The following RAD51B variants were observed in gnomAD, a reference collection of about 807,000 sequenced individuals.
The protein encoded by RAD51B is RAD51 paralog B, also known as DNA repair protein RAD51 homolog 2.
A neutral mutation model predicts 42.2 loss-of-function variants in RAD51B; 38 were observed. The ratio of observed to expected loss-of-function variants is 0.90; its 90% CI spans 0.70 to 1.18. The LOEUF (loss-of-function observed/expected upper bound fraction) is 1.18, where lower values mean the gene tolerates loss of function less well. Ranked by LOEUF, RAD51B falls within the 50% of genes most tolerant of loss-of-function variation. The pLI, the probability that RAD51B is intolerant of heterozygous loss-of-function variation, is 0.00. For synonymous variants in RAD51B, 154 were observed against 145.2 expected, an observed-to-expected ratio of 1.06 and a Z score of -0.43; for missense variants, 373 against 400.7, an observed-to-expected ratio of 0.93 and a Z score of 0.59.
At chr14:68,300,024 C>T (rs1411984765) in intron 8 of RAD51B, among the ~76,000 whole-genome samples, 1 of 152,132 alleles carries the variant, frequency 6.6e-6, no homozygotes, top group Non-Finnish European at 1.5e-5. Context: ...ATCCTTTCAG[C>T]AGGGTCCATT....
chr14:68,426,951 C>T (rs574053929), intron 9 of RAD51B, among the ~76,000 whole-genome samples: 42 of 152,296 alleles, frequency 2.8e-4, no homozygotes, highest in East Asian at 1.4e-3. Flanking sequence ...CTACCTTCTG[C>T]ATCCCAGAGG....
At chr14:67,965,205 G>A (rs1164783137) in intron 7 of RAD51B, among the ~76,000 whole-genome samples, 1 of 152,046 alleles carries the variant, frequency 6.6e-6, no homozygotes, top group African/African-American at 2.4e-5. Context: ...TTCATTAGTG[G>A]CCTCTCCATC....
intron 11 of RAD51B, among the ~76,000 whole-genome samples, chr14:68,679,870 C>T (rs1893390249): frequency 6.6e-6 from 1 of 152,198 alleles, no homozygotes; most frequent in East Asian, 1.9e-4. Flanking sequence ...GCGAGTAGTC[C>T]ATATGCACTT....
intron 5 of RAD51B, among the ~76,000 whole-genome samples, chr14:67,871,903 ACT>A (rs2042547436): frequency 1.3e-5 from 2 of 151,974 alleles, no homozygotes; most frequent in Non-Finnish European, 2.9e-5. Context: ...CATGCTAAAA[ACT>A]CTCAATAAAT....
At chr14:67,847,926 C>T (rs1303847098) in intron 4 of RAD51B, among the ~76,000 whole-genome samples, 2 of 152,072 alleles carry the variant, frequency 1.3e-5, no homozygotes, top group Non-Finnish European at 2.9e-5. Flanking sequence ...GTCTTTTTAT[C>T]AGTCAAGAAG....
At chr14:68,434,818 C>T (rs2085107556) in intron 9 of RAD51B, among the ~76,000 whole-genome samples, 1 of 152,178 alleles carries the variant, frequency 6.6e-6, no homozygotes, top group Non-Finnish European at 1.5e-5. Flanking sequence ...GCAGAAATCA[C>T]CCGTCTTCTG....
At chr14:68,039,343 G>A (rs559830585) in intron 7 of RAD51B, among the ~76,000 whole-genome samples, 7 of 149,760 alleles carry the variant, frequency 4.7e-5, no homozygotes, top group African/African-American at 1.7e-4. Flanking sequence ...CAGGAGAATC[G>A]CTTGAACCTG....
intron 7 of RAD51B, among the ~76,000 whole-genome samples, chr14:68,069,080 A>G (rs1039338999): frequency 1.3e-5 from 2 of 152,142 alleles, no homozygotes; most frequent in African/African-American, 4.8e-5. Flanking sequence ...CTAAAGTTGA[A>G]TACTCCTTTT....
In RAD51B at chr14:68,189,020, G is replaced by A. The variant is rs1444235338; in HGVS notation, c.757-102864G>A. Among the ~76,000 whole-genome samples, 3 of 152,060 alleles carry A rather than the reference G, an allele frequency of 2.0e-5. 1 individual carries two copies. Among genetic ancestry groups the A allele is most frequent in the Admixed American group, 2.0e-4 (3 of 15,276 alleles). On this transcript the variant is annotated intron_variant, in intron 7 of 10. Transcript: ENST00000471583. ...CTCCTCCTTGTTCTCTACTTCTATT[G>A]TAGTGGTTCTGCTGCTATAGTTTAA...
chr14:68,056,641 C>T (rs113095069), intron 7 of RAD51B, among the ~76,000 whole-genome samples: 3,796 of 151,634 alleles, frequency 0.025, 159 homozygotes, highest in African/African-American at 0.087. Context: ...CCCAGCTACT[C>T]GGGAGGCTGA....
At chr14:68,671,563 A>G (rs1893158142) in intron 11 of RAD51B, among the ~76,000 whole-genome samples, 1 of 151,222 alleles carries the variant, frequency 6.6e-6, no homozygotes, top group South Asian at 2.1e-4. Flanking sequence ...TCTCTCCCCC[A>G]ACACCCCGCC....
At chr14:67,925,773 C>T (rs1474796427) in intron 7 of RAD51B, among the ~76,000 whole-genome samples, 7 of 152,192 alleles carry the variant, frequency 4.6e-5, no homozygotes, top group African/African-American at 9.6e-5. Context: ...GAAATCTAGG[C>T]GGAGGTTCCC....
chr14:68,286,020 G>T (rs2081407978), intron 7 of RAD51B, among the ~76,000 whole-genome samples: 1 of 152,222 alleles, frequency 6.6e-6, no homozygotes, highest in African/African-American at 2.4e-5. Context: ...TCTTGTTACA[G>T]TGTAGCATCT....
At chr14:68,089,108 T>G (rs1016335034) in intron 7 of RAD51B, among the ~76,000 whole-genome samples, 1 of 152,020 alleles carries the variant, frequency 6.6e-6, no homozygotes, top group Admixed American at 6.6e-5. Context: ...ACCTATATCC[T>G]CTCCCCACTC....
intron 7 of RAD51B, among the ~76,000 whole-genome samples, chr14:68,254,027 T>G (rs757199715): frequency 4.6e-5 from 7 of 152,218 alleles, no homozygotes; most frequent in Non-Finnish European, 8.8e-5. Flanking sequence ...TAGGTGAAGC[T>G]CATATTTAAT....
chr14:68,055,888 C>G (rs2076465901), intron 7 of RAD51B, among the ~76,000 whole-genome samples: 1 of 152,116 alleles, frequency 6.6e-6, no homozygotes, highest in Non-Finnish European at 1.5e-5. Flanking sequence ...CTGACCAACT[C>G]CAATTCAATA....
intron 7 of RAD51B, among the ~76,000 whole-genome samples, chr14:68,268,769 C>G (rs2081044059): frequency 6.6e-6 from 1 of 152,194 alleles, no homozygotes; most frequent in Non-Finnish European, 1.5e-5. Flanking sequence ...ACAGCATTCA[C>G]TTTTTCATCT....
intron 10 of RAD51B, among the ~76,000 whole-genome samples, chr14:68,633,637 A>G (rs955049770): frequency 1.3e-5 from 2 of 152,160 alleles, no homozygotes; most frequent in Non-Finnish European, 2.9e-5. Flanking sequence ...GTTTTTCTCC[A>G]AATGTTTAGA....
intron 9 of RAD51B, among the ~76,000 whole-genome samples, chr14:68,419,836 C>G (rs1227480664): frequency 6.6e-6 from 1 of 152,202 alleles, no homozygotes; most frequent in African/African-American, 2.4e-5. Flanking sequence ...AGGCTGAGGG[C>G]AGGCAGCAGC....
Sources: allele counts gnomAD v4.1 joint callset (sites outside exome capture counted in the v4.1 genomes callset), GRCh38; gene constraint gnomAD v4.1.1; transcripts MANE v1.5; gene names NCBI Gene and HGNC (gene_info 2026-07-23, HGNC 2026-07-21).